Variants in NHSL1 observed in about 807,000 individuals in gnomAD.
NHSL1 encodes NHS like 1, also known as NHS-like protein 1.
NHSL1 carries 48 observed loss-of-function variants against 95.0 expected under a neutral mutation model. The ratio of observed to expected loss-of-function variants is 0.51; its 90% CI spans 0.40 to 0.64. The LOEUF is 0.64. NHSL1 is among the 30% of genes least tolerant of loss of function. The pLI is 0.00. For missense variants in NHSL1, 1,971 were observed against 2,077.7 expected (o/e 0.95, Z 1.00); for synonymous variants, 783 against 833.9 (o/e 0.94, Z 1.05).
intron 4 of NHSL1, among the ~76,000 whole-genome samples, chr6:138,442,716 C>G (rs1224394712): frequency 6.6e-6 from 1 of 152,108 alleles, no homozygotes; most frequent in African/African-American, 2.4e-5. Flanking sequence ...CAATGAGACC[C>G]AGTAGCGCTG....
upstream of NHSL1, among the ~76,000 whole-genome samples, chr6:138,574,850 T>C (rs1386342789): frequency 6.6e-6 from 1 of 151,886 alleles, no homozygotes; most frequent in Non-Finnish European, 1.5e-5. Flanking sequence ...AGACCCTATC[T>C]CAAAAGAAAT....
chr6:138,673,298 AG>A (rs1191619766), intron 1 of NHSL1, among the ~76,000 whole-genome samples: 7 of 145,432 alleles, frequency 4.8e-5, no homozygotes, highest in African/African-American at 1.5e-4. Flanking sequence ...GGCGGGGGTG[AG>A]GGGGCAGTAT....
At chr6:138,491,325 T>A (rs1362553792) in intron 2 of NHSL1, among the ~76,000 whole-genome samples, 1 of 152,196 alleles carries the variant, frequency 6.6e-6, no homozygotes, top group African/African-American at 2.4e-5. Flanking sequence ...TTGGGCTTTT[T>A]GGGGATGGAG....
chr6:138,552,186 C>T (rs552473449), intron 1 of NHSL1, among the ~76,000 whole-genome samples: 1 of 152,056 alleles, frequency 6.6e-6, no homozygotes, highest in Non-Finnish European at 1.5e-5. Context: ...TTTGGGAGGC[C>T]GAGGCAGGCG....
chr6:138,690,096 G>C (rs7764696), intron 1 of NHSL1, among the ~76,000 whole-genome samples: 1 of 152,104 alleles, frequency 6.6e-6, no homozygotes, highest in Non-Finnish European at 1.5e-5. Context: ...TTTCCTCTCT[G>C]GGTAAGAATT....
intron 5 of NHSL1, among the ~76,000 whole-genome samples, chr6:138,434,470 G>T (rs562520786): frequency 6.6e-6 from 1 of 151,048 alleles, no homozygotes; most frequent in East Asian, 1.9e-4. Context: ...GAGGGACGTG[G>T]ACGAGGTAAA....
chr6:138,514,257 G>A lies in NHSL1; in HGVS notation c.17-17886C>T, dbSNP rs150555767. The stretch of plus-strand genomic sequence containing the variant: ...TGCTTGAACCCGGGAGGAGGGGGTT[G>A]CAGTGAGCCGAGATCACGCCACTGC... On this transcript the variant is annotated intron_variant, in intron 1 of 4. Coordinates refer to the NHSL1 transcript ENST00000342260. Among the ~76,000 whole-genome samples the A allele has an allele frequency of 1.0e-2, 1,520 of 152,230 alleles. 28 individuals are homozygous for A. Among genetic ancestry groups the A allele is most frequent in the African/African-American group, 0.034 (1,421 of 41,508 alleles).
intron 1 of NHSL1, among the ~76,000 whole-genome samples, chr6:138,631,285 G>A (rs1462774621): frequency 6.6e-6 from 1 of 152,160 alleles, no homozygotes; most frequent in African/African-American, 2.4e-5. Context: ...AGGCAGACTA[G>A]GCCACAAAGA....
chr6:138,432,946 G>A lies in NHSL1; in HGVS notation c.1399C>T (p.Pro467Ser). Residue 467 changes from proline (P) to serine (S), a missense_variant, in exon 6 of 8, where the codon CCC becomes TCC. Physicochemically the swap from Pro to Ser is moderately conservative, Grantham distance 74. Transcript: ENST00000343505. The surrounding 1 kb of genome is among the most constrained non-coding windows in gnomAD (Gnocchi z 4.4). ...RHAVKGDPQSPGRHWNEGHAT... is the reference protein window; with the variant it reads ...RHAVKGDPQSSGRHWNEGHAT... ...TGGCCCTCATTCCAGTGGCGACCGG[G>A]AGACTGAGGATCACCTTTCACAGCA... The A allele has an allele frequency of 6.4e-7, 1 of 1,551,440 alleles. No individual in the cohort carries two copies. Among genetic ancestry groups the A allele is most frequent in the Non-Finnish European group, 8.7e-7 (1 of 1,146,780 alleles).
At chr6:138,480,345 C>T (rs951087847) in intron 2 of NHSL1, among the ~76,000 whole-genome samples, 14 of 152,166 alleles carry the variant, frequency 9.2e-5, no homozygotes, top group African/African-American at 3.1e-4. Context: ...CATTTGGTTT[C>T]GGTTGCAGGA....
intron 3 of NHSL1, among the ~76,000 whole-genome samples, chr6:138,471,508 G>A (rs1048232308): frequency 3.9e-5 from 6 of 152,128 alleles, no homozygotes; most frequent in Admixed American, 1.3e-4. Flanking sequence ...GTAAGATACC[G>A]TCTTTGTATA....
Position 138,432,016 on chromosome 6 carries a change from T to A in NHSL1, c.2329A>T (p.Thr777Ser), listed in dbSNP as rs1035070523. ...SDTSSVKSEYTDPWGYYIDYT... is the reference protein window; with the variant it reads ...SDTSSVKSEYSDPWGYYIDYT... ...TCAATGTAATAACCCCAGGGGTCCG[T>A]GTACTCTGACTTGACGCTGCTTGTG... Residue 777 changes from threonine (T) to serine (S), a missense_variant, in exon 6 of 8, where the codon ACG becomes TCG. Thr to Ser is a moderately conservative substitution (Grantham distance 58). Around this residue, in one of 3 missense-constraint regions of NHSL1, gnomAD observed 1,602 missense variants for 1,654.5 expected, o/e 0.97. Coordinates refer to ENST00000343505, the MANE Select transcript of NHSL1 (RefSeq NM_001144060.2). The surrounding 1 kb of genome is among the most constrained non-coding windows in gnomAD (Gnocchi z 4.4). 2.5e-5 allele frequency: 39 copies of A among 1,551,706 alleles called. No homozygotes were observed. In the East Asian group the frequency reaches 9.0e-4, roughly 36 times the overall value.
intron 1 of NHSL1, among the ~76,000 whole-genome samples, chr6:138,666,269 C>G (rs975290315): frequency 1.3e-5 from 2 of 151,372 alleles, no homozygotes; most frequent in African/African-American, 4.9e-5. Flanking sequence ...TGCCATTGTA[C>G]TCCAGCCTGG....
intron 1 of NHSL1, among the ~76,000 whole-genome samples, chr6:138,544,818 T>C (rs1482035313): frequency 1.3e-5 from 2 of 151,880 alleles, no homozygotes; most frequent in African/African-American, 4.8e-5. Context: ...TAATAAGAGT[T>C]GGAAGAAAAA....
intron 1 of NHSL1, among the ~76,000 whole-genome samples, chr6:138,584,695 GACA>G (rs537820452): frequency 6.6e-6 from 1 of 152,324 alleles, no homozygotes; most frequent in South Asian, 2.1e-4. Flanking sequence ...GTTAAATCAA[GACA>G]ACTTCTATTA....
At chr6:138,655,768 A>G (rs986351727) in intron 1 of NHSL1, among the ~76,000 whole-genome samples, 1 of 152,236 alleles carries the variant, frequency 6.6e-6, no homozygotes, top group Non-Finnish European at 1.5e-5. Flanking sequence ...TCCAAATAAA[A>G]TCAACAAAAT....
chr6:138,554,647 A>G (rs959207464), intron 1 of NHSL1, among the ~76,000 whole-genome samples: 2 of 152,246 alleles, frequency 1.3e-5, no homozygotes, highest in Non-Finnish European at 2.9e-5. Context: ...TGCATAGATA[A>G]TTGAATACAT....
chr6:138,628,610 A>T (rs973690735), intron 1 of NHSL1, among the ~76,000 whole-genome samples: 1 of 152,086 alleles, frequency 6.6e-6, no homozygotes, highest in African/African-American at 2.4e-5. Flanking sequence ...TTATTAATTT[A>T]AAAATGTTCC....
At chr6:138,598,752 G>A (rs1424220480) in intron 1 of NHSL1, among the ~76,000 whole-genome samples, 1 of 151,706 alleles carries the variant, frequency 6.6e-6, no homozygotes, top group Non-Finnish European at 1.5e-5. Flanking sequence ...CTAAAACAAC[G>A]TCCAGCGTTT....
Sources: allele counts gnomAD v4.1 joint callset (sites outside exome capture counted in the v4.1 genomes callset), GRCh38; gene constraint gnomAD v4.1.1; regional missense constraint gnomAD v4.1.1; non-coding constraint Gnocchi (gnomAD v3.1); transcripts MANE v1.5; gene names NCBI Gene and HGNC (gene_info 2026-07-23, HGNC 2026-07-21).